The following GPC5 variants were observed in gnomAD, a reference collection of about 807,000 sequenced individuals.
GPC5 encodes glypican-5.
Under a neutral mutation model 53.9 loss-of-function variants are expected in GPC5, and 47 were observed. The ratio of observed to expected loss-of-function variants is 0.87; its 90% CI spans 0.69 to 1.11. GPC5 has a LOEUF of 1.11. Ranked by LOEUF, GPC5 falls within the 50% of genes most tolerant of loss-of-function variation. The pLI, the probability that GPC5 is intolerant of heterozygous loss-of-function variation, is 0.00. For missense variants in GPC5, 748 were observed against 713.1 expected, an observed-to-expected ratio of 1.05 and a Z score of -0.56; for synonymous variants, 286 against 263.3, an observed-to-expected ratio of 1.09 and a Z score of -0.84.
At chr13:91,972,373 A>C (rs1463362773) in intron 6 of GPC5, among the ~76,000 whole-genome samples, 2 of 152,042 alleles carry the variant, frequency 1.3e-5, no homozygotes, top group African/African-American at 4.8e-5. Flanking sequence ...TGCACGTGAG[A>C]TGGGTTTCCT....
At chr13:91,566,471 G>A (rs1038069812) in intron 2 of GPC5, among the ~76,000 whole-genome samples, 1 of 152,120 alleles carries the variant, frequency 6.6e-6, no homozygotes, top group Non-Finnish European at 1.5e-5. Context: ...GGCTGAGCAG[G>A]GGAATCACTT....
intron 7 of GPC5, among the ~76,000 whole-genome samples, chr13:92,409,584 A>G (rs1343438744): frequency 6.6e-6 from 1 of 152,126 alleles, no homozygotes; most frequent in Non-Finnish European, 1.5e-5. Context: ...AACAAGCAGA[A>G]GCTGTATAAG....
chr13:92,031,710 ATTAC>A (rs2040844183), intron 6 of GPC5, among the ~76,000 whole-genome samples: 2 of 66,712 alleles, frequency 3.0e-5, no homozygotes, highest in Non-Finnish European at 2.8e-5. Context: ...TATTATATAT[ATTAC>A]ATATATGTAA....
chr13:92,761,077 C>G (rs1473170791), intron 7 of GPC5, among the ~76,000 whole-genome samples: 1 of 152,130 alleles, frequency 6.6e-6, no homozygotes, highest in African/African-American at 2.4e-5. Context: ...ACCAAGTGGT[C>G]TATCTTGTTT....
intron 7 of GPC5, among the ~76,000 whole-genome samples, chr13:92,568,626 C>A (rs1882931514): frequency 6.6e-6 from 1 of 152,154 alleles, no homozygotes; most frequent in Non-Finnish European, 1.5e-5. Flanking sequence ...TATGATGATA[C>A]TAATGATAAC....
At chr13:92,324,215 CATAAA>C (rs982548205) in intron 7 of GPC5, among the ~76,000 whole-genome samples, 4 of 151,786 alleles carry the variant, frequency 2.6e-5, no homozygotes, top group Non-Finnish European at 4.4e-5. Flanking sequence ...GATATAGTAA[CATAAA>C]ATTAAAAATA....
chr13:92,130,612 T>C (rs2041735892), intron 6 of GPC5, among the ~76,000 whole-genome samples: 1 of 152,046 alleles, frequency 6.6e-6, no homozygotes, highest in South Asian at 2.1e-4. Context: ...ATCTGAAAGA[T>C]GTTGTAAGAA....
rs574109281 is a variant in GPC5 at position 92,653,623 on chromosome 13, G to T, written c.1562-212659G>T. Among the ~76,000 whole-genome samples the T allele has an allele frequency of 6.6e-5, 10 of 152,304 alleles. No individual in the cohort carries two copies. In the South Asian group the frequency reaches 2.1e-3, roughly 32 times the overall value. On this transcript the variant is annotated intron_variant, in intron 7 of 7. Transcript: ENST00000377067. The stretch of plus-strand genomic sequence containing the variant: ...TAAGCAGTTTTCAAGAATTTCACAA[G>T]TTACAAGAAAGCTAGATGGACTAAA...
At chr13:92,739,136 A>T (rs925108957) in intron 7 of GPC5, among the ~76,000 whole-genome samples, 1 of 152,092 alleles carries the variant, frequency 6.6e-6, no homozygotes, top group Non-Finnish European at 1.5e-5. Context: ...GTACACATAC[A>T]ATGTCTTTCT....
At chr13:91,990,507 G>C (rs917369839) in intron 6 of GPC5, among the ~76,000 whole-genome samples, 2 of 152,084 alleles carry the variant, frequency 1.3e-5, no homozygotes, top group African/African-American at 4.8e-5. Flanking sequence ...TAAAATAGGA[G>C]ATAGGTTTTC....
chr13:92,138,135 G>T (rs1050481626), intron 6 of GPC5, among the ~76,000 whole-genome samples: 3 of 152,126 alleles, frequency 2.0e-5, no homozygotes, highest in African/African-American at 7.2e-5. Flanking sequence ...ATATGGGACA[G>T]CTATTCATGT....
At chr13:92,349,248 A>T (rs765629169) in intron 7 of GPC5, among the ~76,000 whole-genome samples, 4 of 152,082 alleles carry the variant, frequency 2.6e-5, no homozygotes, top group Non-Finnish European at 5.9e-5. Flanking sequence ...GGTTCAAGCA[A>T]TTCTCCTATC....
At chr13:92,581,504 T>C (rs1376013036) in intron 7 of GPC5, among the ~76,000 whole-genome samples, 1 of 152,170 alleles carries the variant, frequency 6.6e-6, no homozygotes, top group Non-Finnish European at 1.5e-5. Flanking sequence ...ATATTTTAGC[T>C]CTTGTGATAG....
At chr13:92,806,019 T>C (rs1202359917) in intron 7 of GPC5, among the ~76,000 whole-genome samples, 1 of 152,046 alleles carries the variant, frequency 6.6e-6, no homozygotes, top group Non-Finnish European at 1.5e-5. Flanking sequence ...TTCATAGTTC[T>C]CTAGCTATGA....
intron 7 of GPC5, among the ~76,000 whole-genome samples, chr13:92,621,734 G>A (rs1006486330): frequency 3.3e-5 from 5 of 151,978 alleles, no homozygotes; most frequent in Admixed American, 1.3e-4. Flanking sequence ...CATGGGAATT[G>A]CTTGAACCCA....
Position 92,451,858 on chromosome 13 carries a change from G to C in GPC5, c.1561+306869G>C, listed in dbSNP as rs1594213482. Among the ~76,000 whole-genome samples, 3 of 152,138 alleles carry C rather than the reference G, an allele frequency of 2.0e-5. No individual in the cohort carries two copies. In the South Asian group the frequency reaches 6.2e-4, roughly 31 times the overall value. The stretch of plus-strand genomic sequence containing the variant: ...GAGCTTCAAATGTAATCAACTTTTG[G>C]AAATTCAAGAGAAGTCTAAGCATTG... On this transcript the variant is annotated intron_variant, in intron 7 of 7. Coordinates refer to ENST00000377067, the MANE Select transcript of GPC5 (RefSeq NM_004466.6).
Position 92,763,943 on chromosome 13 carries a change from C to T in GPC5, c.1562-102339C>T, listed in dbSNP as rs563851889. 3.3e-5 allele frequency among the ~76,000 whole-genome samples: 5 copies of T among 152,238 alleles called. No homozygotes were observed. In the East Asian group the frequency reaches 9.7e-4, roughly 29 times the overall value. ...CACTCCGTAGTAGTGACTCTGGCCC[C>T]TCAGATGGTGGAACACTGTGGTAAT... On this transcript the variant is annotated intron_variant, in intron 7 of 7. Transcript: ENST00000377067.
At chr13:92,238,231 G>T (rs186923739) in intron 7 of GPC5, among the ~76,000 whole-genome samples, 3 of 151,904 alleles carry the variant, frequency 2.0e-5, no homozygotes, top group Admixed American at 1.3e-4. Flanking sequence ...CTTTTGAGAG[G>T]TTTAACCTTT....
At chr13:92,522,692 C>T (rs1303968082) in intron 7 of GPC5, among the ~76,000 whole-genome samples, 1 of 152,016 alleles carries the variant, frequency 6.6e-6, no homozygotes, top group Non-Finnish European at 1.5e-5. Flanking sequence ...GGGTGAAGCA[C>T]TCCAACATGG....
Sources: allele counts gnomAD v4.1 joint callset (sites outside exome capture counted in the v4.1 genomes callset), GRCh38; gene constraint gnomAD v4.1.1; transcripts MANE v1.5; gene names NCBI Gene and HGNC (gene_info 2026-07-23, HGNC 2026-07-21).